The following URGCP variants were observed in gnomAD, a reference collection of about 807,000 sequenced individuals.
URGCP encodes the protein upregulator of cell proliferation.
URGCP carries 13 observed loss-of-function variants against 24.6 expected under a neutral mutation model. That is an observed-to-expected ratio of 0.53 (90% CI 0.34 to 0.84). The LOEUF (loss-of-function observed/expected upper bound fraction) is 0.84, where lower values mean the gene tolerates loss of function less well. Among genes scored for constraint, URGCP ranks in the 40% least tolerant of loss-of-function variants. The pLI is 0.01. For synonymous variants in URGCP, 444 were observed against 487.2 expected (o/e 0.91, Z 1.17); for missense variants, 899 against 1,194.3 (o/e 0.75, Z 3.64).
At chr7:43,925,053 C>G (rs10229356) in intron 1 of URGCP, among the ~76,000 whole-genome samples, 1 of 151,982 alleles carries the variant, frequency 6.6e-6, no homozygotes, top group African/African-American at 2.4e-5. Context: ...TAACTGTGCC[C>G]GGCCGAGGAT....
intron 1 of URGCP, chr7:43,919,977 G>T (rs2095920314): frequency 7.4e-7 from 1 of 1,351,044 alleles, no homozygotes; most frequent in Non-Finnish European, 1.1e-6. Context: ...AACACATCTA[G>T]GGAGATTGTG....
chr7:43,897,990 T>C (rs1350818207), intron 1 of URGCP, among the ~76,000 whole-genome samples: 1 of 152,172 alleles, frequency 6.6e-6, no homozygotes, highest in Non-Finnish European at 1.5e-5. Context: ...AAATTGGCAC[T>C]GACAGACTGG....
Position 43,876,282 on chromosome 7 carries a change from C to A in URGCP, c.*385G>T. On this transcript the variant is annotated 3_prime_UTR_variant, in exon 6 of 6. Coordinates refer to ENST00000453200, the MANE Select transcript of URGCP (RefSeq NM_001077663.3). ...TTCTGCTTCCTCAGGACAACTTCCC[C>A]ACCTCTGTCCTGGGACCACCTGCCC... 5.1e-6 allele frequency: 1 copy of A among 197,726 alleles called. No homozygotes were observed. Among genetic ancestry groups the A allele is most frequent in the Non-Finnish European group, 1.0e-5 (1 of 96,610 alleles). The allele number at this position is 197,726 out of a possible 1,614,324, so 12.2% of individuals were successfully genotyped here.
At chr7:43,919,296 T>A in intron 1 of URGCP, 1 of 823,374 alleles carries the variant, frequency 1.2e-6, no homozygotes, top group East Asian at 2.4e-5. Flanking sequence ...GAACGCAGAC[T>A]GTGTGGTGGT....
At chr7:43,893,949 T>C (rs942533274) in intron 1 of URGCP, among the ~76,000 whole-genome samples, 1 of 152,142 alleles carries the variant, frequency 6.6e-6, no homozygotes, top group African/African-American at 2.4e-5. Context: ...GGAGTAGCTA[T>C]ACTTAGACAA....
chr7:43,881,867 C>T (rs760092012), intron 4 of URGCP, 40 bp downstream of exon 4: 2 of 1,610,642 alleles, frequency 1.2e-6, no homozygotes, highest in Admixed American at 3.3e-5. Flanking sequence ...CACTCCCCCT[C>T]TCCCCAGTCC....
chr7:43,921,341 A>G (rs912415196), intron 1 of URGCP, among the ~76,000 whole-genome samples: 120 of 152,202 alleles, frequency 7.9e-4, no homozygotes, highest in Non-Finnish European at 1.4e-3. Context: ...AAAAAAAGAA[A>G]AAAAGAGAGA....
chr7:43,890,814 C>T (rs2095869581), intron 1 of URGCP, among the ~76,000 whole-genome samples: 1 of 152,228 alleles, frequency 6.6e-6, no homozygotes, highest in African/African-American at 2.4e-5. Flanking sequence ...CCCTGACCAA[C>T]ACCAGGGCAG....
intron 1 of URGCP, chr7:43,919,559 G>C: frequency 2.1e-6 from 3 of 1,411,326 alleles, no homozygotes; most frequent in Non-Finnish European, 3.0e-6. Context: ...GCGTGAGGAA[G>C]ACCATGGTCC....
At chr7:43,911,953 A>G (rs2132723422) in intron 1 of URGCP, among the ~76,000 whole-genome samples, 1 of 152,240 alleles carries the variant, frequency 6.6e-6, no homozygotes, top group Non-Finnish European at 1.5e-5. Context: ...ATTAAAGAAC[A>G]CCCTTAAGCA....
chr7:43,918,646 C>A (rs895154150), intron 1 of URGCP: 5 of 597,772 alleles, frequency 8.4e-6, no homozygotes, highest in African/African-American at 3.7e-5. Flanking sequence ...GGGGCTGGCA[C>A]GCGGCAGCGT....
chr7:43,920,923 T>G (rs1194032703), intron 1 of URGCP, among the ~76,000 whole-genome samples: 1 of 152,206 alleles, frequency 6.6e-6, no homozygotes, highest in Non-Finnish European at 1.5e-5. Context: ...AGGGCCCCAC[T>G]CGAGGCCAAT....
At position 43,881,641 on chromosome 7, in the gene URGCP, G is replaced by C; in HGVS notation, c.202+18C>G. 6.2e-7 allele frequency: 1 copy of C among 1,614,020 alleles called. No individual in the cohort carries two copies. The highest frequency in any genetic ancestry group is 8.5e-7 in the Non-Finnish European group (1 of 1,180,014). ...CCCCTTTCATAGAACAGAGAGAAAAGGCAGAGAAAATGCTTACCTGTTGGA... is the reference window on the plus strand; with the variant it reads ...CCCCTTTCATAGAACAGAGAGAAAACGCAGAGAAAATGCTTACCTGTTGGA... On this transcript the variant is annotated intron_variant, in intron 5 of 5. Transcript: ENST00000453200.
chr7:43,887,853 G>T (rs2095864378), intron 1 of URGCP, 37 bp from the exon 2 acceptor site: 1 of 1,367,222 alleles, frequency 7.3e-7, no homozygotes, highest in Non-Finnish European at 1.0e-6. Context: ...CAAAGATGTT[G>T]ATGCCAGCTT....
chr7:43,897,984 T>G (rs1158654806), intron 1 of URGCP, among the ~76,000 whole-genome samples: 1 of 152,140 alleles, frequency 6.6e-6, no homozygotes, highest in Non-Finnish European at 1.5e-5. Flanking sequence ...GTGAGCAAAT[T>G]GGCACTGACA....
chr7:43,915,658 C>T lies in URGCP; in HGVS notation c.-116+10474G>A, dbSNP rs144787799. 1.2e-4 allele frequency among the ~76,000 whole-genome samples: 18 copies of T among 152,322 alleles called. No homozygotes were observed. The East Asian group carries it at 3.3e-3, about 28-fold the overall frequency. On this transcript the variant is annotated intron_variant, in intron 1 of 5. Transcript: ENST00000426198. Reference sequence around the variant, plus strand: ...TCCACACCACATACCATGGAGTCTTCCCCTCCTCCTGCTGAGGGGTCCAGC... The same window carrying T: ...TCCACACCACATACCATGGAGTCTTTCCCTCCTCCTGCTGAGGGGTCCAGC...
chr7:43,891,560 C>G (rs995443839), intron 1 of URGCP, among the ~76,000 whole-genome samples: 2 of 152,152 alleles, frequency 1.3e-5, no homozygotes, highest in Admixed American at 6.5e-5. Context: ...CAAATTAGCT[C>G]ACTGCAACCT....
intron 3 of URGCP, among the ~76,000 whole-genome samples, chr7:43,887,203 CA>C (rs2095863476): frequency 6.6e-6 from 1 of 151,996 alleles, no homozygotes; most frequent in Non-Finnish European, 1.5e-5. Context: ...ATAAAAAAAA[CA>C]AACAAAAAAC....
At chr7:43,918,773 C>T in intron 1 of URGCP, 1 of 895,924 alleles carries the variant, frequency 1.1e-6, no homozygotes, top group Non-Finnish European at 1.9e-6. Flanking sequence ...AACAGCTGTG[C>T]ACTGAGCATG....
Sources: gnomAD v4.1 joint callset for allele counts (sites outside exome capture counted in the v4.1 genomes callset) on GRCh38, gnomAD v4.1.1 for gene constraint, MANE v1.5 for transcripts, NCBI Gene and HGNC (gene_info 2026-07-23, HGNC 2026-07-21) for gene names.